The following MDN1 variants were observed in gnomAD, a reference collection of about 807,000 sequenced individuals.
The protein encoded by MDN1 is midasin AAA ATPase 1, also known as midasin.
In MDN1, 266 loss-of-function variants were observed where a neutral mutation model predicts 669.2. The observed-to-expected ratio is 0.40, with a 90% CI of 0.36 to 0.44. MDN1 has a LOEUF of 0.44. MDN1 is among the 20% of genes least tolerant of loss of function. The pLI, the probability that MDN1 is intolerant of heterozygous loss-of-function variation, is 1.00. For synonymous variants in MDN1, 2,385 were observed against 2,457.1 expected, an observed-to-expected ratio of 0.97 and a Z score of 0.87; for missense variants, 5,940 against 6,754.0, an observed-to-expected ratio of 0.88 and a Z score of 4.22.
Position 89,747,429 on chromosome 6 carries a change from G to A in MDN1, c.3804C>T (p.Gly1268=), listed in dbSNP as rs1193413672. 1 of 1,614,080 alleles carries A rather than the reference G, an allele frequency of 6.2e-7. No individual in the cohort carries two copies. The highest frequency in any genetic ancestry group is 1.7e-5 in the Admixed American group (1 of 60,014). The change falls in exon 27 of 102, where the codon GGC becomes GGT. Residue 1268 remains glycine, a synonymous_variant. Transcript: ENST00000369393. ...RSSSVFAGKQ[G]FITLRDLFRW... is the part of the protein sequence containing the mutation. ...GGAACAGATCACGAAGGGTGATGAAGCCCTGCTTTCCAGCAAACACTGAAG... is the reference window on the plus strand; with the variant it reads ...GGAACAGATCACGAAGGGTGATGAAACCCTGCTTTCCAGCAAACACTGAAG...
Position 89,680,719 on chromosome 6 carries a change from AGCAGC to A in MDN1, c.12130_12134del (p.Ala4044SerfsTer40), listed in dbSNP as rs776695037. The A allele has an allele frequency of 6.2e-7, 1 of 1,614,152 alleles. No individual in the cohort carries two copies. The highest frequency in any genetic ancestry group is 1.7e-5 in the Admixed American group (1 of 60,024). On this transcript the variant is annotated frameshift_variant, in exon 74 of 102. Transcript: ENST00000369393. LOFTEE classifies it high-confidence loss of function. ...GAAGCTCCCCTTCCAAGCCGGAAGG[AGCAGC>A]GCCCTGACACCACTCTGGAATTGTG...
chr6:89,758,828 G>C lies in MDN1; in HGVS notation c.2593C>G (p.Arg865Gly), dbSNP rs1261657556. 3 of 1,614,022 alleles carry C rather than the reference G, an allele frequency of 1.9e-6. No homozygotes were observed. Among genetic ancestry groups the C allele is most frequent in the South Asian group, 2.2e-5 (2 of 91,072 alleles). Residue 865 changes from arginine to glycine, a missense_variant, in exon 18 of 102, where the codon CGA (arginine) becomes GGA (glycine). By Grantham distance (125) the Arg-to-Gly change is moderately radical (BLOSUM62 -2). Coordinates refer to ENST00000369393, the MANE Select transcript of MDN1 (RefSeq NM_014611.3). ...GSSGSLVLLD[R>G]GDTEPLVRHP... ...ATTCAAGTGCTACCTGTGTCTCCTC[G>C]ATCCAGCAACACCAGGGATCCAGAA...
chr6:89,660,182 T>C (rs1584108961), intron 88 of MDN1, among the ~76,000 whole-genome samples: 1 of 152,016 alleles, frequency 6.6e-6, no homozygotes, highest in African/African-American at 2.4e-5. Context: ...CCACCGCGCC[T>C]GGCTAATTTT....
intron 22 of MDN1, among the ~76,000 whole-genome samples, chr6:89,753,028 C>A (rs368778488): frequency 5.9e-5 from 9 of 152,008 alleles, no homozygotes; most frequent in African/African-American, 2.2e-4. Context: ...GAGGCTGAGA[C>A]AGGAGAATCA....
chr6:89,798,442 C>T (rs1033401616), intron 2 of MDN1, among the ~76,000 whole-genome samples: 2 of 151,480 alleles, frequency 1.3e-5, no homozygotes, highest in Admixed American at 6.6e-5. Flanking sequence ...GCGGAGGTTG[C>T]GGTGAGCCAA....
chr6:89,684,489 T>C (rs1444538528), intron 71 of MDN1, among the ~76,000 whole-genome samples: 1 of 151,742 alleles, frequency 6.6e-6, no homozygotes, highest in East Asian at 1.9e-4. Flanking sequence ...CCTTGTACCA[T>C]GGTTGGTTCC....
At chr6:89,677,944 A>T (rs1811328417) in intron 75 of MDN1, among the ~76,000 whole-genome samples, 1 of 152,242 alleles carries the variant, frequency 6.6e-6, no homozygotes, top group Non-Finnish European at 1.5e-5. Context: ...CTATGCTGCA[A>T]GCATATGGTA....
chr6:89,811,317 A>T (rs1584408059), intron 1 of MDN1, among the ~76,000 whole-genome samples: 1 of 151,830 alleles, frequency 6.6e-6, no homozygotes, highest in African/African-American at 2.4e-5. Flanking sequence ...AAAACTACAT[A>T]ATCAGTTTTC....
At chr6:89,712,816 G>T (rs367702808) in intron 47 of MDN1, 30 bp from the exon 48 acceptor site, 1 of 1,592,404 alleles carries the variant, frequency 6.3e-7, no homozygotes, top group Non-Finnish European at 8.6e-7. Context: ...CAATACAGTG[G>T]TACCAACATA....
intron 45 of MDN1, among the ~76,000 whole-genome samples, chr6:89,715,114 C>T (rs1311837232): frequency 1.3e-5 from 2 of 152,160 alleles, no homozygotes; most frequent in Admixed American, 1.3e-4. Context: ...GAATGCCCAT[C>T]AACATCTCCA....
Position 89,695,850 on chromosome 6 carries a change from C to CA in MDN1, c.9525dup (p.Val3176CysfsTer32), listed in dbSNP as rs1239168200. Reference sequence around the variant, plus strand: ...GCCATGTCCCCAAGTGTCTGGCCCACATGCTGGAAGGCCTGGCTGCTCCCA... The same window carrying CA: ...GCCATGTCCCCAAGTGTCTGGCCCACAATGCTGGAAGGCCTGGCTGCTCCCA... On this transcript the variant is annotated frameshift_variant, in exon 61 of 102. Transcript: ENST00000369393. LOFTEE classifies it high-confidence loss of function. This position sits in a 1 kb window ranked among gnomAD's most constrained non-coding sequence, Gnocchi z 4.1. The CA allele has an allele frequency of 1.2e-6, 2 of 1,613,776 alleles. No individual in the cohort carries two copies. The highest frequency in any genetic ancestry group is 1.7e-6 in the Non-Finnish European group (2 of 1,180,024).
chr6:89,645,244 G>A (rs1257672614), intron 100 of MDN1, 87 bp from the exon 101 acceptor site: 3 of 1,412,464 alleles, frequency 2.1e-6, no homozygotes, highest in Non-Finnish European at 2.9e-6. Context: ...ACAAATTAGT[G>A]TAGGCTTTCT....
In MDN1 at chr6:89,674,607, T is replaced by C. The variant is rs747180029; in HGVS notation, c.12762-18A>G. ...GGAGGTTCCTGTACAGAGAAACCCA[T>C]GGGAAAAACACAATGAATGGCACCT... is the stretch of plus-strand genomic sequence containing the variant. On this transcript the variant is annotated intron_variant, in intron 78 of 101. Transcript: ENST00000369393. 2.6e-6 allele frequency: 4 copies of C among 1,511,862 alleles called. No homozygotes were observed. The African/African-American group carries it at 4.2e-5, about 16-fold the overall frequency. 93.7% of individuals were successfully genotyped at this position (1,511,862 alleles called of 1,614,324 possible).
chr6:89,721,190 G>A (rs1210771394), intron 40 of MDN1, among the ~76,000 whole-genome samples: 1 of 152,202 alleles, frequency 6.6e-6, no homozygotes, highest in Non-Finnish European at 1.5e-5. Context: ...GTGAGGTATG[G>A]TGCTGGGTGC....
intron 1 of MDN1, chr6:89,814,817 A>G: frequency 4.2e-6 from 2 of 473,436 alleles, no homozygotes; most frequent in Admixed American, 2.4e-5. Context: ...TTCTCTGTGC[A>G]GACAGTTCCA....
In MDN1 at chr6:89,659,650, A is replaced by C. The variant is rs535783037; in HGVS notation, c.14714-733T>G. On this transcript the variant is annotated intron_variant, in intron 88 of 101. Transcript: ENST00000369393. ...TAATCCACCCAAAAAAACCCCCATA[A>C]ACAAACAAACAAACAAAAAAACACA... Among the ~76,000 whole-genome samples the C allele has an allele frequency of 5.9e-5, 9 of 152,276 alleles. No homozygotes were observed. The East Asian group carries it at 1.7e-3, about 29-fold the overall frequency.
intron 9 of MDN1, among the ~76,000 whole-genome samples, chr6:89,782,325 G>C (rs968080370): frequency 2.2e-4 from 34 of 152,220 alleles, no homozygotes; most frequent in African/African-American, 8.2e-4. Context: ...GCAGGGTACA[G>C]TGGATCACAC....
In MDN1 at chr6:89,810,018, A is replaced by T. The variant is rs1239081737; in HGVS notation, c.103-6464T>A. ...TAAAAAAAAAAAAAAAAAAAAAAAA[A>T]AAAAAAAATTAAGTTTGGAAGATTA... On this transcript the variant is annotated intron_variant, in intron 1 of 101. Coordinates refer to ENST00000369393, the MANE Select transcript of MDN1 (RefSeq NM_014611.3). 3.4e-3 allele frequency among the ~76,000 whole-genome samples: 416 copies of T among 122,914 alleles called. 2 individuals are homozygous for T. Among genetic ancestry groups the T allele is most frequent in the African/African-American group, 0.01 (396 of 39,026 alleles). 80.6% of individuals were successfully genotyped at this position (122,914 alleles called of 152,430 possible).
In MDN1 at chr6:89,672,311, G is replaced by T; in HGVS notation, c.13683C>A (p.Asp4561Glu). Reference protein sequence around the residue: ...SGHLTKLLEDDFWADVSTLHV... With the variant: ...SGHLTKLLEDEFWADVSTLHV... The stretch of plus-strand genomic sequence containing the variant: ...GCAAAGTGCTCACATCGGCCCAGAA[G>T]TCATCCTCTAAGAGTTTTGTTAGAT... Residue 4561 changes from aspartate (D) to glutamate (E), a missense_variant, in exon 82 of 102, where the codon GAC becomes GAA. Asp to Glu is a conservative substitution (Grantham distance 45). This residue lies in a region of MDN1 where 2,280 missense variants were observed against 2,576.3 expected (regional missense o/e 0.88). Coordinates refer to ENST00000369393, the MANE Select transcript of MDN1 (RefSeq NM_014611.3). 2 of 1,613,100 alleles carry T rather than the reference G, an allele frequency of 1.2e-6. No individual in the cohort carries two copies. The highest frequency in any genetic ancestry group is 1.7e-6 in the Non-Finnish European group (2 of 1,179,824).
Sources: allele counts gnomAD v4.1 joint callset (sites outside exome capture counted in the v4.1 genomes callset), GRCh38; gene constraint gnomAD v4.1.1; regional missense constraint gnomAD v4.1.1; non-coding constraint Gnocchi (gnomAD v3.1); transcripts MANE v1.5; gene names NCBI Gene and HGNC (gene_info 2026-07-23, HGNC 2026-07-21).